Variants in SEC14L6 observed in about 807,000 individuals in gnomAD.
The protein encoded by SEC14L6 is SEC14-like protein 6.
Under a neutral mutation model 54.1 loss-of-function variants are expected in SEC14L6, and 40 were observed. The observed-to-expected ratio is 0.74, with a 90% CI of 0.57 to 0.96. SEC14L6 has a LOEUF of 0.96. SEC14L6 is among the 40% of genes least tolerant of loss of function. The probability of loss-of-function intolerance (pLI) is 0.00; values close to 1 mark genes in which losing one functional copy is unlikely to be tolerated. For missense variants in SEC14L6, 471 were observed against 498.3 expected, an observed-to-expected ratio of 0.95 and a Z score of 0.52; for synonymous variants, 171 against 198.4, an observed-to-expected ratio of 0.86 and a Z score of 1.16.
intron 8 of SEC14L6, among the ~76,000 whole-genome samples, chr22:30,527,714 CAAAAAAAAAAA>C (rs778118906): frequency 1.0e-4 from 3 of 30,144 alleles, no homozygotes; most frequent in Non-Finnish European, 2.2e-4. Context: ...GACCTTGTCT[CAAAAAAAAAAA>C]AAAAAAAAAA....
At position 30,532,595 on chromosome 22, in the gene SEC14L6, T is replaced by G. The variant is rs1601886919; in HGVS notation, c.353A>C (p.Gln118Pro). Residue 118 changes from glutamine (Q) to proline (P), a missense_variant, in exon 5 of 12, where the codon CAG becomes CCG. Transcript: ENST00000402034. ...PKGLLLSASK[Q>P]ELLRDSFRSC... ...CCGGAAGCTGTCCCTGAGCAACTCC[T>G]GTTTGGAGGCTGAGAGCAAGAGGCC... The G allele has an allele frequency of 1.3e-6, 2 of 1,550,608 alleles. No homozygotes were observed. Among genetic ancestry groups the G allele is most frequent in the Non-Finnish European group, 1.7e-6 (2 of 1,146,992 alleles).
chr22:30,525,090 G>A lies in SEC14L6; in HGVS notation c.1101C>T (p.Asn367=). ...GTTTAGAATGAACCAGGCTGTAGGTGTTGTAAAACCTCAGGACATCTGCAG... is the reference window on the plus strand; with the variant it reads ...GTTTAGAATGAACCAGGCTGTAGGTATTGTAAAACCTCAGGACATCTGCAG... ...QAGSYVLRFY[N]TYSLVHSKRI... is the part of the protein sequence containing the mutation. The change falls in exon 12 of 12, where the codon AAC becomes AAT. Residue 367 remains asparagine (N), a synonymous_variant. Transcript: ENST00000402034. 1 of 1,547,764 alleles carries A rather than the reference G, an allele frequency of 6.5e-7. No individual in the cohort carries two copies. Among genetic ancestry groups the A allele is most frequent in the Non-Finnish European group, 8.7e-7 (1 of 1,144,382 alleles).
Position 30,532,490 on chromosome 22 carries a change from T to C in SEC14L6, c.423+35A>G, listed in dbSNP as rs191426209. 2.8e-3 allele frequency: 4,328 copies of C among 1,521,654 alleles called. 207 individuals carry two copies. The Admixed American group carries it at 0.078, about 27-fold the overall frequency. 94.3% of individuals were successfully genotyped at this position (1,521,654 alleles called of 1,614,324 possible). The stretch of plus-strand genomic sequence containing the variant: ...AGGCTCAGGGGGTGAGGGTGCTGTG[T>C]CCGGCTGCAGCTGCCCAGGGTGGCA... On this transcript the variant is annotated intron_variant, in intron 5 of 11. Coordinates refer to ENST00000402034, the MANE Select transcript of SEC14L6 (RefSeq NM_001193336.4).
At position 30,546,576 on chromosome 22, in the gene SEC14L6, C is replaced by T; in HGVS notation, c.54+53G>A. 4 of 1,491,152 alleles carry T rather than the reference C, an allele frequency of 2.7e-6. No individual in the cohort carries two copies. The South Asian group carries it at 3.6e-5, about 14-fold the overall frequency. The allele number at this position is 1,491,152 out of a possible 1,614,324, so 92.4% of individuals were successfully genotyped here. On this transcript the variant is annotated intron_variant, in intron 1 of 11. Coordinates refer to ENST00000402034, the MANE Select transcript of SEC14L6 (RefSeq NM_001193336.4). ...CAGGGACCTTGAGTCCTGCCCTTCCCCGTGGCAGAAGGAGAAACTGAGGCT... is the reference window on the plus strand; with the variant it reads ...CAGGGACCTTGAGTCCTGCCCTTCCTCGTGGCAGAAGGAGAAACTGAGGCT...
chr22:30,544,077 G>A, intron 1 of SEC14L6: 21 of 1,494,206 alleles, frequency 1.4e-5, no homozygotes, highest in Non-Finnish European at 1.9e-5. Context: ...AGGTCCCGAG[G>A]AAGTGAATGG....
At chr22:30,530,875 T>C (rs1008971537) in intron 6 of SEC14L6, among the ~76,000 whole-genome samples, 1 of 151,990 alleles carries the variant, frequency 6.6e-6, no homozygotes, top group Non-Finnish European at 1.5e-5. Context: ...AAAAGGAAGG[T>C]CAGGGGCTGG....
Position 30,525,597 on chromosome 22 carries a change from GCTGC to G in SEC14L6, c.911+10_911+13del, listed in dbSNP as rs1936744726. ...CCCAGATGTGCCCAGGTGTAGAGTG[GCTGC>G]CATCCCTACCTGAGCACACAGCCCG... On this transcript the variant is annotated intron_variant, in intron 10 of 11. Transcript: ENST00000402034. 1 of 1,609,090 alleles carries G rather than the reference GCTGC, an allele frequency of 6.2e-7. No homozygotes were observed. Among genetic ancestry groups the G allele is most frequent in the African/African-American group, 1.3e-5 (1 of 74,656 alleles).
chr22:30,542,399 G>A, intron 1 of SEC14L6: 1 of 422,314 alleles, frequency 2.4e-6, no homozygotes, highest in Middle Eastern at 6.1e-4. Context: ...CCGGAGGCGA[G>A]GGGAGGTCGG....
chr22:30,535,785 A>G (rs1325474760), intron 2 of SEC14L6, among the ~76,000 whole-genome samples: 1 of 151,998 alleles, frequency 6.6e-6, no homozygotes, highest in Admixed American at 6.6e-5. Flanking sequence ...ACCATAGCTT[A>G]CTGCAACCTC....
chr22:30,529,249 G>T, intron 7 of SEC14L6, 40 bp downstream of exon 7: 1 of 1,545,836 alleles, frequency 6.5e-7, no homozygotes, highest in South Asian at 1.2e-5. Flanking sequence ...CACATCCCCT[G>T]TCCCCCCAAC....
intron 1 of SEC14L6, among the ~76,000 whole-genome samples, chr22:30,542,068 G>A (rs947837261): frequency 2.6e-5 from 4 of 152,166 alleles, no homozygotes; most frequent in African/African-American, 9.7e-5. Flanking sequence ...GGTGGGCGGG[G>A]ACGCCCGGCT....
In SEC14L6 at chr22:30,546,678, C is replaced by T. The variant is rs1390071595; in HGVS notation, c.5G>A (p.Ser2Asn). The T allele has an allele frequency of 6.4e-7, 1 of 1,550,486 alleles. No homozygotes were observed. Among genetic ancestry groups the T allele is most frequent in the East Asian group, 2.4e-5 (1 of 40,908 alleles). Residue 2 changes from serine (S) to asparagine (N), a missense_variant, in exon 1 of 12, where the codon AGT becomes AAT. Ser to Asn is a conservative substitution (Grantham distance 46, BLOSUM62 1). Coordinates refer to ENST00000402034, the MANE Select transcript of SEC14L6 (RefSeq NM_001193336.4). M[S>N]GQVGDLSPSQ... The stretch of plus-strand genomic sequence containing the variant: ...TGGGCTCAGGTCACCCACTTGTCCA[C>T]TCATGCTGCCCATGAATGGGTCCAG...
At chr22:30,527,984 A>C (rs1936832453) in intron 8 of SEC14L6, among the ~76,000 whole-genome samples, 1 of 151,956 alleles carries the variant, frequency 6.6e-6, no homozygotes. Flanking sequence ...TTTTTTTGGA[A>C]AATATATTTC....
rs1253002985 is a variant in SEC14L6, at chr22:30,532,830, G to A, written c.201C>T (p.Asp67=). The change falls in exon 4 of 12, where the codon GAC becomes GAT. Residue 67 remains aspartate, a synonymous_variant. Coordinates refer to ENST00000402034, the MANE Select transcript of SEC14L6 (RefSeq NM_001193336.4). Reference sequence around the variant, plus strand: ...GCTGCCAGGCAAGGATGTTGGCCAGGTCTTGTTGCTTCCGGAACTCCATAT... The same window carrying A: ...GCTGCCAGGCAAGGATGTTGGCCAGATCTTGTTGCTTCCGGAACTCCATAT... The part of the protein sequence containing the change: ...RKHMEFRKQQ[D]LANILAWQPP... 6.2e-7 allele frequency: 1 copy of A among 1,613,686 alleles called. No homozygotes were observed. The highest frequency in any genetic ancestry group is 8.5e-7 in the Non-Finnish European group (1 of 1,179,942).
At position 30,524,226 on chromosome 22, in the gene SEC14L6, G is replaced by T. The variant is rs369514545; in HGVS notation, c.*771C>A. ...TTTCTGTCTCATGTGCGTCATGTTC[G>T]GCCCTGATGCCTCCCTGGGGACCCC... On this transcript the variant is annotated 3_prime_UTR_variant, in exon 12 of 12. Transcript: ENST00000402034. 6.6e-6 allele frequency: 1 copy of T among 152,088 alleles called. No homozygotes were observed. The highest frequency in any genetic ancestry group is 1.5e-5 in the Non-Finnish European group (1 of 68,028). 9.4% of individuals were successfully genotyped at this position (152,088 alleles called of 1,614,324 possible).
At chr22:30,533,234 A>G in intron 3 of SEC14L6, 1 of 827,118 alleles carries the variant, frequency 1.2e-6, no homozygotes, top group South Asian at 5.5e-5. Context: ...AGCCTGGCTG[A>G]TGTGTTGGGG....
In SEC14L6 at chr22:30,525,444, C is replaced by A. The variant is rs1371001054; in HGVS notation, c.987G>T (p.Arg329Ser). ...FLKTKMGERQ[R>S]AREMTEVLPS... ...GCAGCACCTCTGTCATCTCCCTAGC[C>A]CTCTGCCGCTCCCCCATCTTGGTCT... The change falls in exon 11 of 12, where the codon AGG becomes AGT. Residue 329 changes from arginine (R) to serine (S), a missense_variant. Physicochemically the swap from Arg to Ser is moderately radical, Grantham distance 110. Coordinates refer to ENST00000402034, the MANE Select transcript of SEC14L6 (RefSeq NM_001193336.4). 5.6e-6 allele frequency: 9 copies of A among 1,614,080 alleles called. No individual in the cohort carries two copies. The highest frequency in any genetic ancestry group is 4.0e-5 in the African/African-American group (3 of 74,926).
Position 30,524,121 on chromosome 22 carries a change from ATCTC to A in SEC14L6, c.*872_*875del, listed in dbSNP as rs1936689583. 6.6e-6 allele frequency: 1 copy of A among 152,098 alleles called. No homozygotes were observed. Among genetic ancestry groups the A allele is most frequent in the Non-Finnish European group, 1.5e-5 (1 of 68,022 alleles). 9.4% of individuals were successfully genotyped at this position (152,098 alleles called of 1,614,324 possible). ...CTGCTGAAATTATTCAAACTAGCAA[ATCTC>A]AAGCCTGCTTACCCTGCCTCACCAG... On this transcript the variant is annotated 3_prime_UTR_variant, in exon 12 of 12. Transcript: ENST00000402034.
rs1220378373 is a variant in SEC14L6, at chr22:30,523,951, C to T, written c.*1046G>A. On this transcript the variant is annotated 3_prime_UTR_variant, in exon 12 of 12. Transcript: ENST00000402034. ...ATACAGCAACTTGCCCACAAATGCA[C>T]TTTTCGAATGCAAACCAACTGATAT... 1 of 152,196 alleles carries T rather than the reference C, an allele frequency of 6.6e-6. No homozygotes were observed. The highest frequency in any genetic ancestry group is 1.5e-5 in the Non-Finnish European group (1 of 68,042). 9.4% of individuals were successfully genotyped at this position (152,196 alleles called of 1,614,324 possible).
Sources: allele counts gnomAD v4.1 joint callset (sites outside exome capture counted in the v4.1 genomes callset), GRCh38; gene constraint gnomAD v4.1.1; transcripts MANE v1.5; gene names NCBI Gene and HGNC (gene_info 2026-07-23, HGNC 2026-07-21).